The following PAX2 variants were observed in gnomAD, a reference collection of about 807,000 sequenced individuals.
The protein encoded by PAX2 is paired box 2.
Under a neutral mutation model 41.7 loss-of-function variants are expected in PAX2, and 9 were observed. That is an observed-to-expected ratio of 0.22 (90% confidence interval 0.13 to 0.38). The LOEUF is 0.38. Ranked by LOEUF, PAX2 falls within the 10% of genes least tolerant of loss-of-function variation. The pLI, the probability that PAX2 is intolerant of heterozygous loss-of-function variation, is 1.00. For synonymous variants in PAX2, 221 were observed against 212.7 expected (o/e 1.04, Z -0.34); for missense variants, 418 against 531.6 (o/e 0.79, Z 2.10).
intron 3 of PAX2, among the ~76,000 whole-genome samples, chr10:100,775,226 A>G (rs1846345050): frequency 6.6e-6 from 1 of 152,178 alleles, no homozygotes; most frequent in Non-Finnish European, 1.5e-5. Flanking sequence ...CAAGTATGAA[A>G]AAGAATTGGA....
chr10:100,761,270 G>C (rs1845833728), intron 3 of PAX2, among the ~76,000 whole-genome samples: 1 of 152,032 alleles, frequency 6.6e-6, no homozygotes, highest in African/African-American at 2.4e-5. Flanking sequence ...CCTGCAGAGA[G>C]TACAGCCCTG....
chr10:100,775,855 T>C (rs552921653), intron 3 of PAX2, among the ~76,000 whole-genome samples: 1 of 152,364 alleles, frequency 6.6e-6, no homozygotes, highest in East Asian at 1.9e-4. Context: ...ATCTTTTCCA[T>C]TGTGATCAAA....
At chr10:100,783,997 A>T (rs1157829758) in intron 5 of PAX2, among the ~76,000 whole-genome samples, 2 of 152,066 alleles carry the variant, frequency 1.3e-5, no homozygotes, top group African/African-American at 2.4e-5. Flanking sequence ...GAGGGAGACC[A>T]GTTCTCCCTG....
chr10:100,756,933 A>T (rs942062920), intron 3 of PAX2, among the ~76,000 whole-genome samples: 4 of 152,206 alleles, frequency 2.6e-5, no homozygotes. Context: ...TGAAACTGAG[A>T]TGTGGGAAAT....
In PAX2 at chr10:100,745,861, T is replaced by G; in HGVS notation, c.-400T>G. ...CTCTGACCGCCCCCGCCCCGCGCGC[T>G]CTCCGACCACCGCCTCTCGGATGAC... On this transcript the variant is annotated 5_prime_UTR_variant, in exon 1 of 10. Transcript: ENST00000355243. 9.7e-7 allele frequency: 1 copy of G among 1,026,342 alleles called. No individual in the cohort carries two copies. Among genetic ancestry groups the G allele is most frequent in the Non-Finnish European group, 1.2e-6 (1 of 862,246 alleles). The allele number at this position is 1,026,342 out of a possible 1,614,324, so 63.6% of individuals were successfully genotyped here.
upstream of PAX2, among the ~76,000 whole-genome samples, chr10:100,740,840 AGGGCCTCAC>A (rs1465595605): frequency 2.0e-5 from 3 of 152,208 alleles, no homozygotes; most frequent in African/African-American, 7.2e-5. Context: ...CAGAAGTACC[AGGGCCTCAC>A]GGGGCTCCTA....
At chr10:100,802,744 G>A (rs1048528463) in intron 5 of PAX2, among the ~76,000 whole-genome samples, 3 of 152,144 alleles carry the variant, frequency 2.0e-5, no homozygotes, top group Admixed American at 6.5e-5. Context: ...CTGGGCCTGG[G>A]GGCAAAGGGG....
intron 5 of PAX2, among the ~76,000 whole-genome samples, chr10:100,796,610 G>A (rs997822839): frequency 6.6e-5 from 10 of 152,080 alleles, no homozygotes; most frequent in African/African-American, 2.2e-4. Flanking sequence ...TCCCATCCTC[G>A]TGGAATTATG....
At chr10:100,804,797 A>T (rs1847700802) in intron 5 of PAX2, among the ~76,000 whole-genome samples, 1 of 152,222 alleles carries the variant, frequency 6.6e-6, no homozygotes, top group African/African-American at 2.4e-5. Context: ...TTCAACTCAT[A>T]TGTTGATGCA....
Position 100,745,926 on chromosome 10 carries a change from A to C in PAX2, c.-335A>C. On this transcript the variant is annotated 5_prime_UTR_variant, in exon 1 of 10. Coordinates refer to ENST00000355243, the MANE Select transcript of PAX2 (RefSeq NM_000278.5). ...GCTGAGCGAGTCGCCTCCCCCGCCC[A>C]GCTTCAGCCCTGGCTGCAGCTGCAG... The C allele has an allele frequency of 8.6e-7, 1 of 1,162,408 alleles. No homozygotes were observed. Among genetic ancestry groups the C allele is most frequent in the East Asian group, 4.7e-5 (1 of 21,366 alleles). The allele number at this position is 1,162,408 out of a possible 1,614,324, so 72.0% of individuals were successfully genotyped here.
At chr10:100,777,398 C>CTTTTTTTTTTTTTTTTTTTTT (rs56136871) in intron 3 of PAX2, among the ~76,000 whole-genome samples, 1 of 121,938 alleles carries the variant, frequency 8.2e-6, no homozygotes. Flanking sequence ...CGCATCTGGC[C>CTTTTTTTTTTTTTTTTTTTTT]TTTTTTTTTT....
chr10:100,816,991 G>T (rs1391504771), intron 7 of PAX2, among the ~76,000 whole-genome samples: 1 of 152,174 alleles, frequency 6.6e-6, no homozygotes, highest in Admixed American at 6.5e-5. Context: ...TGCTCTCAGA[G>T]AACAAAATAA....
At chr10:100,817,961 G>A (rs1848245150) in intron 7 of PAX2, among the ~76,000 whole-genome samples, 1 of 152,206 alleles carries the variant, frequency 6.6e-6, no homozygotes, top group Non-Finnish European at 1.5e-5. Context: ...TACCAATTAT[G>A]CATTTATATA....
intron 3 of PAX2, among the ~76,000 whole-genome samples, chr10:100,760,998 G>T (rs1845820891): frequency 6.6e-6 from 1 of 152,250 alleles, no homozygotes; most frequent in African/African-American, 2.4e-5. Flanking sequence ...TGGGACTCGG[G>T]TTCCTACCCA....
At chr10:100,766,892 A>G (rs796714278) in intron 3 of PAX2, among the ~76,000 whole-genome samples, 2 of 152,334 alleles carry the variant, frequency 1.3e-5, no homozygotes, top group African/African-American at 4.8e-5. Context: ...TCTCTGAGAC[A>G]TACATTAGGG....
At position 100,806,081 on chromosome 10, in the gene PAX2, G is replaced by C. The variant is rs530870585; in HGVS notation, c.617-349G>C. Among the ~76,000 whole-genome samples, 856 of 152,296 alleles carry C rather than the reference G, an allele frequency of 5.6e-3. 2 individuals carry two copies. The highest frequency in any genetic ancestry group is 0.014 in the Middle Eastern group (4 of 294). On this transcript the variant is annotated intron_variant, in intron 5 of 9. Transcript: ENST00000355243. ...CCCAGCTTCTTTCTTCCCCAGGCTG[G>C]CCCTGGCTTGGGGGCAGGGGGTGGT...
intron 7 of PAX2, among the ~76,000 whole-genome samples, chr10:100,814,081 G>A (rs1848098260): frequency 6.6e-6 from 1 of 152,078 alleles, no homozygotes; most frequent in African/African-American, 2.4e-5. Flanking sequence ...GGGCGCGGTG[G>A]CTCACGCCTG....
At chr10:100,751,687 G>A (rs370862779) in intron 3 of PAX2, among the ~76,000 whole-genome samples, 1 of 152,162 alleles carries the variant, frequency 6.6e-6, no homozygotes, top group Non-Finnish European at 1.5e-5. Flanking sequence ...TGCTCTCGGG[G>A]AGAACACATG....
At chr10:100,779,683 G>T (rs1846536546) in intron 4 of PAX2, 100 bp downstream of exon 4, 2 of 888,242 alleles carry the variant, frequency 2.3e-6, no homozygotes, top group Non-Finnish European at 3.7e-6. Context: ...TTGAGGTCCA[G>T]AGCCCAACCT....
Sources: allele counts gnomAD v4.1 joint callset (sites outside exome capture counted in the v4.1 genomes callset), GRCh38; gene constraint gnomAD v4.1.1; transcripts MANE v1.5; gene names NCBI Gene and HGNC (gene_info 2026-07-23, HGNC 2026-07-21).